Variants in RPS6KA2 observed in about 807,000 individuals in gnomAD.
The protein encoded by RPS6KA2 is ribosomal protein S6 kinase alpha-2.
A neutral mutation model predicts 91.8 loss-of-function variants in RPS6KA2; 42 were observed. The ratio of observed to expected loss-of-function variants is 0.46; its 90% CI spans 0.36 to 0.59. The LOEUF (loss-of-function observed/expected upper bound fraction) is 0.59, where lower values mean the gene tolerates loss of function less well. Among genes scored for constraint, RPS6KA2 ranks in the 20% least tolerant of loss-of-function variants. RPS6KA2 has a pLI of 0.00. For missense variants in RPS6KA2, 798 were observed against 978.5 expected (o/e 0.82, Z 2.46); for synonymous variants, 414 against 393.6 (o/e 1.05, Z -0.61).
At chr6:166,569,852 G>A (rs1429517154) in intron 1 of RPS6KA2, among the ~76,000 whole-genome samples, 2 of 152,088 alleles carry the variant, frequency 1.3e-5, no homozygotes, top group Non-Finnish European at 2.9e-5. Context: ...TCTTCCCCTC[G>A]TCCTTCAGGA....
intron 1 of RPS6KA2, among the ~76,000 whole-genome samples, chr6:166,584,271 T>G (rs1413256328): frequency 6.6e-6 from 1 of 152,210 alleles, no homozygotes; most frequent in East Asian, 1.9e-4. Flanking sequence ...TGGTCTCTCT[T>G]CCTCTTCCTC....
At chr6:166,664,603 G>A (rs1318223823) in intron 2 of RPS6KA2, among the ~76,000 whole-genome samples, 1 of 152,182 alleles carries the variant, frequency 6.6e-6, no homozygotes, top group East Asian at 1.9e-4. Flanking sequence ...TAAGAATAGA[G>A]ATTGCAAAGC....
chr6:166,691,836 A>G (rs1332642153), intron 2 of RPS6KA2, among the ~76,000 whole-genome samples: 1 of 152,238 alleles, frequency 6.6e-6, no homozygotes, highest in Non-Finnish European at 1.5e-5. Flanking sequence ...TCCATCTTCT[A>G]TACCCTTACA....
intron 2 of RPS6KA2, among the ~76,000 whole-genome samples, chr6:166,827,030 T>C (rs1042025781): frequency 1.3e-5 from 2 of 152,012 alleles, no homozygotes; most frequent in African/African-American, 2.4e-5. Flanking sequence ...GGTGGGGGTA[T>C]GGGGAGACCT....
At chr6:166,806,046 C>T (rs576749627) in intron 2 of RPS6KA2, among the ~76,000 whole-genome samples, 1 of 152,030 alleles carries the variant, frequency 6.6e-6, no homozygotes, top group African/African-American at 2.4e-5. Flanking sequence ...ATTTAAGGAT[C>T]GGAAAATGGA....
At chr6:166,667,155 T>A (rs1788339523) in intron 2 of RPS6KA2, among the ~76,000 whole-genome samples, 1 of 152,184 alleles carries the variant, frequency 6.6e-6, no homozygotes, top group Admixed American at 6.5e-5. Flanking sequence ...GGAACGGAGT[T>A]CTGGAGAAAG....
chr6:166,585,600 T>A (rs1785147705), intron 1 of RPS6KA2, among the ~76,000 whole-genome samples: 1 of 75,712 alleles, frequency 1.3e-5, no homozygotes, highest in African/African-American at 1.2e-4. Flanking sequence ...GATTAAGGAA[T>A]CACAAAGTAC....
intron 19 of RPS6KA2, among the ~76,000 whole-genome samples, chr6:166,415,944 C>G (rs1489155662): frequency 6.7e-6 from 1 of 148,866 alleles, no homozygotes; most frequent in Non-Finnish European, 1.5e-5. Flanking sequence ...ATTACCCTCA[C>G]CACAATCACC....
chr6:166,776,931 G>C (rs977098746), intron 2 of RPS6KA2, among the ~76,000 whole-genome samples: 1 of 152,236 alleles, frequency 6.6e-6, no homozygotes, highest in East Asian at 1.9e-4. Context: ...ACATACCTAG[G>C]AGGGGGTCAG....
intron 2 of RPS6KA2, among the ~76,000 whole-genome samples, chr6:166,748,535 GCCC>G (rs1321145693): frequency 4.2e-5 from 6 of 142,612 alleles, no homozygotes; most frequent in Admixed American, 3.5e-4. Context: ...ACCTCCTCGG[GCCC>G]CCCATCCCCT....
chr6:166,603,929 G>C lies in RPS6KA2; in HGVS notation c.99+22992C>G, dbSNP rs1348987033. Among the ~76,000 whole-genome samples, 2 of 152,166 alleles carry C rather than the reference G, an allele frequency of 1.3e-5. No homozygotes were observed. Among genetic ancestry groups the C allele is most frequent in the Non-Finnish European group, 2.9e-5 (2 of 68,036 alleles). ...GCCGCAAAGCTGACATGTTGGAAGG[G>C]GTGAGATGAGAGCTAAGAACTTCTC... is the stretch of plus-strand genomic sequence containing the variant. On this transcript the variant is annotated intron_variant, in intron 1 of 20. Transcript: ENST00000265678. This position sits in a 1 kb window ranked among gnomAD's most constrained non-coding sequence, Gnocchi z 4.3.
chr6:166,657,376 C>G (rs1040346187), intron 2 of RPS6KA2, among the ~76,000 whole-genome samples: 2 of 151,412 alleles, frequency 1.3e-5, no homozygotes, highest in Non-Finnish European at 2.9e-5. Context: ...TAAACAGATA[C>G]GAGAGAAAAG....
At chr6:166,694,488 TA>T (rs1187582742) in intron 2 of RPS6KA2, among the ~76,000 whole-genome samples, 1 of 152,190 alleles carries the variant, frequency 6.6e-6, no homozygotes, top group Non-Finnish European at 1.5e-5. Flanking sequence ...ACGTCCAGGA[TA>T]AAAAAATGTC....
intron 3 of RPS6KA2, among the ~76,000 whole-genome samples, chr6:166,528,813 T>A (rs1199652074): frequency 1.3e-5 from 2 of 151,726 alleles, no homozygotes; most frequent in Non-Finnish European, 2.9e-5. Flanking sequence ...AAAAGACACA[T>A]GAAAAAATGC....
At chr6:166,851,465 C>A (rs74907114) in intron 2 of RPS6KA2, among the ~76,000 whole-genome samples, 2,257 of 152,280 alleles carry the variant, frequency 0.015, 58 homozygotes, top group African/African-American at 0.052. Flanking sequence ...TTATGAGACA[C>A]CCCCATAAAA....
At chr6:166,735,279 A>G (rs1790644368) in intron 2 of RPS6KA2, among the ~76,000 whole-genome samples, 1 of 152,214 alleles carries the variant, frequency 6.6e-6, no homozygotes, top group African/African-American at 2.4e-5. Context: ...CACAAAACAA[A>G]ACAAAAAACT....
chr6:166,779,172 T>C (rs1554257239), intron 2 of RPS6KA2, among the ~76,000 whole-genome samples: 1 of 152,186 alleles, frequency 6.6e-6, no homozygotes, highest in Non-Finnish European at 1.5e-5. Context: ...AAGTAAACTA[T>C]GGCATTTTTC....
intron 1 of RPS6KA2, among the ~76,000 whole-genome samples, chr6:166,587,029 C>G (rs1185694093): frequency 6.6e-6 from 1 of 152,222 alleles, no homozygotes; most frequent in Non-Finnish European, 1.5e-5. Context: ...TTTCCCCCCA[C>G]AGCTAACTGC....
chr6:166,728,812 C>T (rs1334835619), intron 2 of RPS6KA2, among the ~76,000 whole-genome samples: 1 of 152,144 alleles, frequency 6.6e-6, no homozygotes, highest in African/African-American at 2.4e-5. Flanking sequence ...AGGGGTCGGG[C>T]ACCCGCCAGG....
Sources: allele counts gnomAD v4.1 joint callset (sites outside exome capture counted in the v4.1 genomes callset), GRCh38; gene constraint gnomAD v4.1.1; non-coding constraint Gnocchi (gnomAD v3.1); transcripts MANE v1.5; gene names NCBI Gene and HGNC (gene_info 2026-07-23, HGNC 2026-07-21).